Variants in GLIS1 observed in about 807,000 individuals in gnomAD.
The protein encoded by GLIS1 is zinc finger protein GLIS1.
GLIS1 carries 24 observed loss-of-function variants against 63.8 expected under a neutral mutation model. The ratio of observed to expected loss-of-function variants is 0.38; its 90% CI spans 0.27 to 0.53. The LOEUF (loss-of-function observed/expected upper bound fraction) is 0.53, where lower values mean the gene tolerates loss of function less well. Among genes scored for constraint, GLIS1 ranks in the 20% least tolerant of loss-of-function variants. The probability of loss-of-function intolerance (pLI) is 0.85; values close to 1 mark genes in which losing one functional copy is unlikely to be tolerated. For missense variants in GLIS1, 1,036 were observed against 1,074.1 expected, an observed-to-expected ratio of 0.96 and a Z score of 0.50; for synonymous variants, 450 against 482.5, an observed-to-expected ratio of 0.93 and a Z score of 0.88.
At chr1:53,509,011 C>G in intron 10 of GLIS1, 109 bp downstream of exon 10, 1 of 1,135,270 alleles carries the variant, frequency 8.8e-7, no homozygotes, top group African/African-American at 1.6e-5. Context: ...TGGGGATGGC[C>G]CCACCACATA....
chr1:53,726,076 T>C (rs763083264), intron 2 of GLIS1, among the ~76,000 whole-genome samples: 5 of 152,224 alleles, frequency 3.3e-5, no homozygotes, highest in Non-Finnish European at 7.3e-5. Context: ...CTGGAACACC[T>C]GACTCTTTCA....
rs774353930 is a variant in GLIS1 at position 53,594,596 on chromosome 1, C to T, written c.832G>A (p.Gly278Arg). 4 of 1,587,428 alleles carry T rather than the reference C, an allele frequency of 2.5e-6. No individual in the cohort carries two copies. The South Asian group carries it at 4.5e-5, about 18-fold the overall frequency. ...CCCGTCAGAGGGGGGCTCCGGAGTC[C>T]ATTTACACAGGTGACCAGAGACGTC... ...SQTSLVTCVN[G>R]LRSPPLTGDL... The change falls in exon 4 of 11, where the codon GGA becomes AGA. Residue 278 changes from glycine to arginine, a missense_variant. Coordinates refer to ENST00000628545, the MANE Select transcript of GLIS1 (RefSeq NM_001367484.1).
intron 4 of GLIS1, among the ~76,000 whole-genome samples, chr1:53,551,290 T>C (rs964859753): frequency 7.9e-5 from 12 of 152,216 alleles, no homozygotes; most frequent in African/African-American, 2.4e-4. Flanking sequence ...TTCTAACATA[T>C]GATTATGCCA....
intron 2 of GLIS1, among the ~76,000 whole-genome samples, chr1:53,669,680 G>T (rs1233122589): frequency 6.6e-6 from 1 of 152,130 alleles, no homozygotes; most frequent in African/African-American, 2.4e-5. Flanking sequence ...CATAGCCCCA[G>T]TGCTGCCTTT....
chr1:53,519,951 C>T (rs991010138), intron 7 of GLIS1, among the ~76,000 whole-genome samples: 1 of 152,214 alleles, frequency 6.6e-6, no homozygotes, highest in South Asian at 2.1e-4. Context: ...GCCTCTCTTG[C>T]TGATGCTTGG....
intron 2 of GLIS1, among the ~76,000 whole-genome samples, chr1:53,676,318 C>T (rs945007402): frequency 6.6e-6 from 1 of 152,168 alleles, no homozygotes; most frequent in Non-Finnish European, 1.5e-5. Flanking sequence ...TGAGCGCAAT[C>T]GGCCCAGGCC....
intron 4 of GLIS1, among the ~76,000 whole-genome samples, chr1:53,586,273 C>T (rs897466671): frequency 2.0e-5 from 3 of 150,920 alleles, no homozygotes; most frequent in Non-Finnish European, 4.5e-5. Context: ...GAAGAAAGGA[C>T]ATTGGCATCT....
intron 4 of GLIS1, among the ~76,000 whole-genome samples, chr1:53,548,142 A>G (rs1644723383): frequency 6.6e-6 from 1 of 152,120 alleles, no homozygotes; most frequent in Non-Finnish European, 1.5e-5. Flanking sequence ...GCCGCACTCC[A>G]TGGGACTTGG....
At chr1:53,549,049 G>A (rs1366939528) in intron 4 of GLIS1, among the ~76,000 whole-genome samples, 1 of 152,176 alleles carries the variant, frequency 6.6e-6, no homozygotes, top group Non-Finnish European at 1.5e-5. Context: ...GTGGTCTTTA[G>A]TGACTGGCTT....
intron 4 of GLIS1, among the ~76,000 whole-genome samples, chr1:53,587,335 C>T (rs570926687): frequency 2.6e-5 from 4 of 152,240 alleles, no homozygotes; most frequent in South Asian, 2.1e-4. Context: ...GGATCATTAA[C>T]GAGGACACTT....
At chr1:53,713,795 G>A (rs376378522) in intron 2 of GLIS1, among the ~76,000 whole-genome samples, 7 of 152,200 alleles carry the variant, frequency 4.6e-5, no homozygotes, top group Non-Finnish European at 8.8e-5. Flanking sequence ...ACACCAGAGA[G>A]CAAGAGAGAA....
At chr1:53,653,959 G>T (rs1175510859) in intron 2 of GLIS1, among the ~76,000 whole-genome samples, 1 of 152,222 alleles carries the variant, frequency 6.6e-6, no homozygotes, top group African/African-American at 2.4e-5. Flanking sequence ...AGGACCGGCA[G>T]GTTAGTTTTC....
chr1:53,540,631 C>T (rs1211320872), intron 4 of GLIS1, among the ~76,000 whole-genome samples: 2 of 152,176 alleles, frequency 1.3e-5, no homozygotes, highest in African/African-American at 4.8e-5. Flanking sequence ...TGGTGAGCAA[C>T]ACCTGGGTCT....
At chr1:53,681,278 C>G (rs1382469713) in intron 2 of GLIS1, among the ~76,000 whole-genome samples, 2 of 152,236 alleles carry the variant, frequency 1.3e-5, no homozygotes, top group African/African-American at 4.8e-5. Flanking sequence ...CAGGGCTGCT[C>G]ATCAGAACCA....
intron 7 of GLIS1, among the ~76,000 whole-genome samples, chr1:53,518,709 T>C (rs1199488963): frequency 6.6e-6 from 1 of 152,204 alleles, no homozygotes; most frequent in Non-Finnish European, 1.5e-5. Flanking sequence ...ACTCAGCTGA[T>C]TCTGTTTCTC....
At chr1:53,555,403 G>A (rs895919069) in intron 4 of GLIS1, among the ~76,000 whole-genome samples, 7 of 152,132 alleles carry the variant, frequency 4.6e-5, no homozygotes, top group Non-Finnish European at 1.0e-4. Context: ...GGTGGTGGGC[G>A]CCTGCAGTCC....
rs1644293807 is a variant in GLIS1, at chr1:53,511,064, C to A, written c.1884-1037G>T. ...CATGCTACCTTCCTAAGCCCCTGGGCCCCGTTCACAGGGGCTAAAATGACT... is the reference window on the plus strand; with the variant it reads ...CATGCTACCTTCCTAAGCCCCTGGGACCCGTTCACAGGGGCTAAAATGACT... On this transcript the variant is annotated intron_variant, in intron 8 of 10. Transcript: ENST00000628545. The surrounding 1 kb of genome is among the most constrained non-coding windows in gnomAD (Gnocchi z 4.2). Among the ~76,000 whole-genome samples the A allele has an allele frequency of 6.6e-6, 1 of 152,222 alleles. No individual in the cohort carries two copies. The highest frequency in any genetic ancestry group is 6.5e-5 in the Admixed American group (1 of 15,284).
chr1:53,542,299 C>T (rs941014321), intron 4 of GLIS1, among the ~76,000 whole-genome samples: 4 of 152,266 alleles, frequency 2.6e-5, no homozygotes, highest in African/African-American at 9.6e-5. Flanking sequence ...GGAGCAAATT[C>T]CTGGCTTTTG....
At chr1:53,553,693 G>A (rs1644786063) in intron 4 of GLIS1, among the ~76,000 whole-genome samples, 1 of 152,198 alleles carries the variant, frequency 6.6e-6, no homozygotes, top group Admixed American at 6.5e-5. Flanking sequence ...AGGCCTCTCT[G>A]AAGAGCTGGC....
Sources: allele counts gnomAD v4.1 joint callset (sites outside exome capture counted in the v4.1 genomes callset), GRCh38; gene constraint gnomAD v4.1.1; non-coding constraint Gnocchi (gnomAD v3.1); transcripts MANE v1.5; gene names NCBI Gene and HGNC (gene_info 2026-07-23, HGNC 2026-07-21).